The following PEPD variants were observed in gnomAD, a reference collection of about 807,000 sequenced individuals.
The protein encoded by PEPD is peptidase D, also known as xaa-Pro dipeptidase.
In PEPD, 53 loss-of-function variants were observed where a neutral mutation model predicts 60.7. That is an observed-to-expected ratio of 0.87 (90% CI 0.70 to 1.10). The LOEUF (loss-of-function observed/expected upper bound fraction) is 1.10. Ranked by LOEUF, PEPD falls within the 50% of genes least tolerant of loss-of-function variation. PEPD has a pLI of 0.00. For missense variants in PEPD, 711 were observed against 711.9 expected, an observed-to-expected ratio of 1.00 and a Z score of 0.01; for synonymous variants, 267 against 284.1, an observed-to-expected ratio of 0.94 and a Z score of 0.60.
At chr19:33,472,105 G>A (rs914768327) in intron 7 of PEPD, among the ~76,000 whole-genome samples, 5 of 151,182 alleles carry the variant, frequency 3.3e-5, no homozygotes, top group Admixed American at 1.3e-4. Context: ...AAGTTGCAGT[G>A]AGCCAAGATT....
chr19:33,406,894 G>C (rs1968639859), intron 11 of PEPD, among the ~76,000 whole-genome samples: 1 of 152,150 alleles, frequency 6.6e-6, no homozygotes, highest in South Asian at 2.1e-4. Flanking sequence ...GAGTGTGAGG[G>C]CTGGGACAGG....
chr19:33,447,651 G>A (rs950497626), intron 9 of PEPD, among the ~76,000 whole-genome samples: 3 of 152,216 alleles, frequency 2.0e-5, no homozygotes, highest in African/African-American at 7.2e-5. Context: ...CAGCCAGAGG[G>A]AGCTGCGAGA....
chr19:33,453,911 C>T (rs532804554), intron 9 of PEPD, among the ~76,000 whole-genome samples: 1 of 152,302 alleles, frequency 6.6e-6, no homozygotes, highest in East Asian at 1.9e-4. Context: ...ATACTGCCTC[C>T]TAAGTCGGCT....
chr19:33,511,516 G>A (rs972104867), intron 2 of PEPD: 2 of 349,962 alleles, frequency 5.7e-6, no homozygotes, highest in Non-Finnish European at 1.1e-5. Flanking sequence ...ACGCCCCCCG[G>A]ATTCTGACGC....
At chr19:33,519,655 A>G (rs1284588634) in intron 1 of PEPD, among the ~76,000 whole-genome samples, 1 of 152,192 alleles carries the variant, frequency 6.6e-6, no homozygotes, top group Admixed American at 6.5e-5. Context: ...GGAGACTGCC[A>G]GGCTCTGGAA....
At chr19:33,398,257 C>T (rs1430419937) in intron 12 of PEPD, among the ~76,000 whole-genome samples, 4 of 152,222 alleles carry the variant, frequency 2.6e-5, no homozygotes, top group Admixed American at 6.5e-5. Context: ...GCTTGGTGGG[C>T]CCCCGCCCCT....
intron 6 of PEPD, among the ~76,000 whole-genome samples, chr19:33,486,055 T>C (rs1249334664): frequency 6.6e-6 from 1 of 152,060 alleles, no homozygotes; most frequent in African/African-American, 2.4e-5. Context: ...CTCTCCTTCA[T>C]GGTCAGTCTC....
chr19:33,422,324 G>A lies in PEPD; in HGVS notation c.672-8681C>T, dbSNP rs1303505362. On this transcript the variant is annotated intron_variant, in intron 9 of 14. Transcript: ENST00000244137. ...CACCACCATCTGACATGTTTATCTA[G>A]CTATCCCATCAATCAATCAATCAAT... Among the ~76,000 whole-genome samples the A allele has an allele frequency of 1.1e-4, 17 of 151,976 alleles. No homozygotes were observed. In the South Asian group the frequency reaches 3.3e-3, roughly 30 times the overall value.
intron 9 of PEPD, among the ~76,000 whole-genome samples, chr19:33,457,399 G>A (rs1266811374): frequency 2.6e-5 from 4 of 152,174 alleles, no homozygotes; most frequent in Admixed American, 6.5e-5. Flanking sequence ...CCAGAGGGGC[G>A]TCCTCTCTGC....
At chr19:33,472,381 C>T (rs371271157) in intron 7 of PEPD, among the ~76,000 whole-genome samples, 102 of 152,280 alleles carry the variant, frequency 6.7e-4, no homozygotes, top group African/African-American at 2.4e-3. Flanking sequence ...CAGGAAAAAA[C>T]GTGCCAGGAA....
intron 1 of PEPD, among the ~76,000 whole-genome samples, chr19:33,514,083 G>A (rs943373064): frequency 1.3e-5 from 2 of 152,154 alleles, no homozygotes; most frequent in Non-Finnish European, 2.9e-5. Context: ...ATGAAAAAAC[G>A]GATGGTGGTC....
intron 11 of PEPD, among the ~76,000 whole-genome samples, chr19:33,405,614 G>A (rs1309850120): frequency 5.9e-5 from 9 of 152,216 alleles, no homozygotes; most frequent in East Asian, 1.9e-4. Flanking sequence ...CTGCAGACAC[G>A]GTGGCGAGCT....
chr19:33,499,999 C>T (rs1326220302), intron 4 of PEPD, among the ~76,000 whole-genome samples: 2 of 152,238 alleles, frequency 1.3e-5, no homozygotes, highest in Non-Finnish European at 2.9e-5. Context: ...GCTGCTTGGC[C>T]GCCAGAACTG....
rs924479403 is a variant in PEPD, at chr19:33,399,514, C to A, written c.967+2207G>T. Among the ~76,000 whole-genome samples, 5 of 152,012 alleles carry A rather than the reference C, an allele frequency of 3.3e-5. No individual in the cohort carries two copies. The East Asian group carries it at 9.8e-4, about 30-fold the overall frequency. On this transcript the variant is annotated intron_variant, in intron 12 of 14. Coordinates refer to ENST00000244137, the MANE Select transcript of PEPD (RefSeq NM_000285.4). Reference sequence around the variant, plus strand: ...GTGTGGGGCTGGGGCCTGGCACTGCCCCCAGCGTCCCTCCGCGGCTCCTCA... The same window carrying A: ...GTGTGGGGCTGGGGCCTGGCACTGCACCCAGCGTCCCTCCGCGGCTCCTCA...
chr19:33,428,046 C>A (rs1306741491), intron 9 of PEPD, among the ~76,000 whole-genome samples: 1 of 152,122 alleles, frequency 6.6e-6, no homozygotes, highest in Non-Finnish European at 1.5e-5. Flanking sequence ...AAGAGACACG[C>A]TTGAAGACAG....
intron 1 of PEPD, among the ~76,000 whole-genome samples, chr19:33,515,515 C>A (rs909586247): frequency 1.8e-4 from 27 of 152,078 alleles, no homozygotes; most frequent in Non-Finnish European, 4.4e-5. Flanking sequence ...CTGTCAGGAG[C>A]TAAAAGTGCA....
At chr19:33,417,686 C>T (rs768110721) in intron 9 of PEPD, among the ~76,000 whole-genome samples, 1 of 152,152 alleles carries the variant, frequency 6.6e-6, no homozygotes, top group Non-Finnish European at 1.5e-5. Context: ...ACCTAGCCAT[C>T]GTGGTCACTG....
rs536088438 is a variant in PEPD, at chr19:33,468,825, G to A, written c.549-4763C>T. On this transcript the variant is annotated intron_variant, in intron 7 of 14. Transcript: ENST00000244137. ...GCGGAGGCAGCCCTAAAGCCTGACA[G>A]CATGCTGTTAATCATCATGAAGGTG... 2.0e-5 allele frequency among the ~76,000 whole-genome samples: 3 copies of A among 152,226 alleles called. No individual in the cohort carries two copies. In the South Asian group the frequency reaches 6.2e-4, roughly 32 times the overall value.
chr19:33,473,181 A>C (rs1454846575), intron 7 of PEPD, among the ~76,000 whole-genome samples: 1 of 152,022 alleles, frequency 6.6e-6, no homozygotes, highest in Non-Finnish European at 1.5e-5. Flanking sequence ...CAGTGACTCA[A>C]GTTCTCACTC....
Sources: allele counts gnomAD v4.1 joint callset (sites outside exome capture counted in the v4.1 genomes callset), GRCh38; gene constraint gnomAD v4.1.1; transcripts MANE v1.5; gene names NCBI Gene and HGNC (gene_info 2026-07-23, HGNC 2026-07-21).